ROBO1: variants seen among roughly 807,000 people sequenced by gnomAD.
ROBO1 encodes the protein roundabout homolog 1.
In ROBO1, 149 loss-of-function variants were observed where a neutral mutation model predicts 195.9. That is an observed-to-expected ratio of 0.76 (90% CI 0.67 to 0.87). The LOEUF is 0.87. Ranked by LOEUF, ROBO1 falls within the 40% of genes least tolerant of loss-of-function variation. The pLI is 0.00. For synonymous variants in ROBO1, 816 were observed against 733.2 expected (o/e 1.11, Z -1.82); for missense variants, 1,933 against 2,068.3 (o/e 0.93, Z 1.27).
chr3:78,726,783 T>C (rs1308131103), intron 5 of ROBO1, among the ~76,000 whole-genome samples: 2 of 152,146 alleles, frequency 1.3e-5, no homozygotes, highest in Admixed American at 1.3e-4. Flanking sequence ...TGAAATCAGC[T>C]GCAGTACAGT....
intron 3 of ROBO1, among the ~76,000 whole-genome samples, chr3:79,044,785 C>CT (rs199806193): frequency 3.1e-4 from 47 of 151,606 alleles, no homozygotes; most frequent in Non-Finnish European, 5.6e-4. Flanking sequence ...TTGACATTTT[C>CT]TTTTTTTAAA....
chr3:79,161,082 CATGAAACTATA>C (rs1192024759), intron 2 of ROBO1, among the ~76,000 whole-genome samples: 1 of 151,916 alleles, frequency 6.6e-6, no homozygotes, highest in African/African-American at 2.4e-5. Context: ...AGGAAAATGG[CATGAAACTATA>C]ATAAAGGAAA....
chr3:79,524,727 T>G (rs1025216630), intron 2 of ROBO1, among the ~76,000 whole-genome samples: 3 of 152,142 alleles, frequency 2.0e-5, no homozygotes, highest in African/African-American at 4.8e-5. Context: ...CAGACTTGAA[T>G]GGTCTTCAAA....
intron 2 of ROBO1, among the ~76,000 whole-genome samples, chr3:79,343,782 G>A (rs541368900): frequency 6.6e-6 from 1 of 152,258 alleles, no homozygotes; most frequent in African/African-American, 2.4e-5. Context: ...GAATCTGAGT[G>A]TCCTTTGAGC....
intron 3 of ROBO1, among the ~76,000 whole-genome samples, chr3:79,116,285 T>G (rs564156903): frequency 6.6e-6 from 1 of 151,952 alleles, no homozygotes; most frequent in South Asian, 2.1e-4. Context: ...CTTTCTTTTC[T>G]TTCTTTCTCT....
intron 1 of ROBO1, among the ~76,000 whole-genome samples, chr3:79,747,417 G>T (rs1703925758): frequency 6.6e-6 from 1 of 151,904 alleles, no homozygotes; most frequent in African/African-American, 2.4e-5. Flanking sequence ...TATTTTTATG[G>T]AAAGAACAAT....
intron 1 of ROBO1, among the ~76,000 whole-genome samples, chr3:79,622,967 C>T (rs1945055116): frequency 6.6e-6 from 1 of 152,200 alleles, no homozygotes; most frequent in Admixed American, 6.5e-5. Flanking sequence ...AAGGAGCCAG[C>T]ACCCATCTTT....
At chr3:79,408,241 A>T (rs2106833297) in intron 2 of ROBO1, among the ~76,000 whole-genome samples, 1 of 151,704 alleles carries the variant, frequency 6.6e-6, no homozygotes, top group Non-Finnish European at 1.5e-5. Flanking sequence ...AAAATAAAAA[A>T]AATTAAAAAA....
intron 2 of ROBO1, among the ~76,000 whole-genome samples, chr3:79,427,245 G>A (rs895466275): frequency 1.3e-5 from 2 of 152,076 alleles, no homozygotes; most frequent in African/African-American, 2.4e-5. Flanking sequence ...ACTATTGTAC[G>A]CACATCCTAG....
At position 78,627,378 on chromosome 3, in the gene ROBO1, G is replaced by T; in HGVS notation, c.3818C>A (p.Pro1273His). The T allele has an allele frequency of 6.2e-7, 1 of 1,612,548 alleles. No homozygotes were observed. Among genetic ancestry groups the T allele is most frequent in the Non-Finnish European group, 8.5e-7 (1 of 1,179,322 alleles). ...LTPSPQEELQPMLQDCPEETG... is the reference protein window; with the variant it reads ...LTPSPQEELQHMLQDCPEETG... The stretch of plus-strand genomic sequence containing the variant: ...CTCCTCTGGACAATCCTGTAACATG[G>T]GCTGGAGTTCTTCCTGTGGGGAGGG... The change falls in exon 26 of 31, where the codon CCC becomes CAC. Residue 1273 changes from proline to histidine, a missense_variant. Physicochemically the swap from Pro to His is moderately conservative, Grantham distance 77. Coordinates refer to ENST00000464233, the MANE Select transcript of ROBO1 (RefSeq NM_002941.4).
chr3:79,672,707 C>A (rs140996209), intron 1 of ROBO1, among the ~76,000 whole-genome samples: 2 of 151,914 alleles, frequency 1.3e-5, no homozygotes, highest in Admixed American at 1.3e-4. Flanking sequence ...CTAAATGAGT[C>A]CTGCTATTAC....
In ROBO1 at chr3:78,635,853, T is replaced by C. The variant is rs1705460998; in HGVS notation, c.3293A>G (p.His1098Arg). Residue 1098 changes from histidine to arginine, a missense_variant, in exon 23 of 31, where the codon CAC becomes CGC. Physicochemically the swap from His to Arg is conservative, Grantham distance 29 (BLOSUM62 0). This residue lies in a region of ROBO1 where 1,737 missense variants were observed against 1,882.5 expected (regional missense o/e 0.92). Coordinates refer to ENST00000464233, the MANE Select transcript of ROBO1 (RefSeq NM_002941.4). ...TTTCTGCTGTCCCAGTGGTTTCCAG[T>C]GCTTCTCGCCAGAGTCCCCGCTGCC... is the stretch of plus-strand genomic sequence containing the variant. ...NNGSGDSGEK[H>R]WKPLGQQKQE... 1 of 1,613,894 alleles carries C rather than the reference T, an allele frequency of 6.2e-7. No homozygotes were observed. The highest frequency in any genetic ancestry group is 8.5e-7 in the Non-Finnish European group (1 of 1,179,834).
At chr3:79,665,767 A>G (rs1022590299) in intron 1 of ROBO1, among the ~76,000 whole-genome samples, 3 of 151,948 alleles carry the variant, frequency 2.0e-5, no homozygotes, top group African/African-American at 7.2e-5. Context: ...GGAGCAATAG[A>G]AAAAATGTCA....
chr3:79,593,846 A>G (rs1447727691), intron 1 of ROBO1, among the ~76,000 whole-genome samples: 2 of 151,946 alleles, frequency 1.3e-5, no homozygotes, highest in African/African-American at 4.8e-5. Context: ...TGAACTCCTG[A>G]GCACAAGGGA....
At position 79,147,271 on chromosome 3, in the gene ROBO1, T is replaced by G. The variant is rs529378312; in HGVS notation, c.89-21732A>C. On this transcript the variant is annotated intron_variant, in intron 2 of 30. Transcript: ENST00000464233. The stretch of plus-strand genomic sequence containing the variant: ...CATTTGTGCCTGCCTGAGAGATACT[T>G]TGCCAATCACAAAATTCAGAAGGTA... 1.2e-4 allele frequency among the ~76,000 whole-genome samples: 19 copies of G among 152,098 alleles called. No individual in the cohort carries two copies. The South Asian group carries it at 2.7e-3, about 22-fold the overall frequency.
intron 3 of ROBO1, among the ~76,000 whole-genome samples, chr3:78,982,312 G>A (rs1040106262): frequency 6.6e-6 from 1 of 152,012 alleles, no homozygotes; most frequent in Non-Finnish European, 1.5e-5. Flanking sequence ...TGATTTTCCC[G>A]CCTGCATATT....
At chr3:79,677,025 G>T (rs1946803260) in intron 1 of ROBO1, among the ~76,000 whole-genome samples, 1 of 152,016 alleles carries the variant, frequency 6.6e-6, no homozygotes, top group South Asian at 2.1e-4. Flanking sequence ...TTTTGTTCCA[G>T]ATGGAATACT....
chr3:79,191,499 G>A (rs2108756233), intron 2 of ROBO1, among the ~76,000 whole-genome samples: 1 of 151,422 alleles, frequency 6.6e-6, no homozygotes, highest in Admixed American at 6.6e-5. Context: ...CAGATTTGCA[G>A]TAGGTAATTA....
At chr3:78,626,787 T>C (rs1250676999) in intron 26 of ROBO1, among the ~76,000 whole-genome samples, 1 of 151,276 alleles carries the variant, frequency 6.6e-6, no homozygotes, top group East Asian at 1.9e-4. Flanking sequence ...ACACACACTA[T>C]ATAATAATCT....
Sources: gnomAD v4.1 joint callset for allele counts (sites outside exome capture counted in the v4.1 genomes callset) on GRCh38, gnomAD v4.1.1 for gene constraint, gnomAD v4.1.1 regional missense constraint, MANE v1.5 for transcripts, NCBI Gene and HGNC (gene_info 2026-07-23, HGNC 2026-07-21) for gene names.